Variants in DHRSX observed in about 807,000 individuals in gnomAD.
The protein encoded by DHRSX is polyprenol dehydrogenase.
DHRSX carries 31 observed loss-of-function variants against 34.0 expected under a neutral mutation model. The ratio of observed to expected loss-of-function variants is 0.91; its 90% CI spans 0.69 to 1.23. The LOEUF (loss-of-function observed/expected upper bound fraction) is 1.23. Among genes scored for constraint, DHRSX ranks in the 50% most tolerant of loss-of-function variants. The probability of loss-of-function intolerance (pLI) is 0.00; values close to 1 mark genes in which losing one functional copy is unlikely to be tolerated. For synonymous variants in DHRSX, 201 were observed against 183.8 expected, an observed-to-expected ratio of 1.09 and a Z score of -0.76; for missense variants, 414 against 428.1, an observed-to-expected ratio of 0.97 and a Z score of 0.29.
chrX:2,413,246 G>C (rs1261458403), intron 2 of DHRSX, among the ~76,000 whole-genome samples: 2 of 152,140 alleles, frequency 1.3e-5, no homozygotes, highest in Non-Finnish European at 2.9e-5. Flanking sequence ...CCAGGTGCTA[G>C]GGGGGTGGGT....
At chrX:2,322,555 C>CAAAAAAAAAAA (rs752649879) in intron 3 of DHRSX, among the ~76,000 whole-genome samples, 2 of 123,198 alleles carry the variant, frequency 1.6e-5, no homozygotes, top group Admixed American at 8.7e-5. Context: ...AACTCCATCT[C>CAAAAAAAAAAA]AAAAAAAAAA....
chrX:2,249,157 C>T (rs1386703591), intron 5 of DHRSX, among the ~76,000 whole-genome samples: 1 of 151,184 alleles, frequency 6.6e-6, no homozygotes, highest in Admixed American at 6.6e-5. Flanking sequence ...AGAGCAACTT[C>T]ACAACATGCA....
intron 3 of DHRSX, among the ~76,000 whole-genome samples, chrX:2,344,468 A>G (rs1193772543): frequency 1.3e-5 from 2 of 152,068 alleles, no homozygotes; most frequent in African/African-American, 4.8e-5. Context: ...AACCAGAAAT[A>G]CTATACGACC....
At chrX:2,415,754 A>G (rs929539567) in intron 2 of DHRSX, among the ~76,000 whole-genome samples, 1 of 151,662 alleles carries the variant, frequency 6.6e-6, no homozygotes, top group African/African-American at 2.4e-5. Context: ...TCATAACCTA[A>G]TTAGATCTCA....
At chrX:2,236,780 G>A (rs1355804706) in intron 6 of DHRSX, among the ~76,000 whole-genome samples, 1 of 151,986 alleles carries the variant, frequency 6.6e-6, no homozygotes, top group East Asian at 1.9e-4. Context: ...TGAATTGTAT[G>A]AGCAATTCCT....
At chrX:2,347,390 G>A (rs1162352282) in intron 3 of DHRSX, among the ~76,000 whole-genome samples, 1 of 152,178 alleles carries the variant, frequency 6.6e-6, no homozygotes, top group Non-Finnish European at 1.5e-5. Flanking sequence ...CACAACAGGT[G>A]GGAATACAAG....
intron 3 of DHRSX, among the ~76,000 whole-genome samples, chrX:2,357,393 T>C (rs146762372): frequency 1.5e-3 from 228 of 152,076 alleles, no homozygotes; most frequent in African/African-American, 5.1e-3. Flanking sequence ...AGATCTGCCA[T>C]TATAAGATGT....
chrX:2,342,211 G>C lies in DHRSX; in HGVS notation c.287-50608C>G, dbSNP rs140955330. Among the ~76,000 whole-genome samples, 226 of 152,176 alleles carry C rather than the reference G, an allele frequency of 1.5e-3. 1 individual carries two copies. The highest frequency in any genetic ancestry group is 5.2e-3 in the African/African-American group (218 of 41,536). ...TTATAAACAGAGATGCCTATCTGTCGGCCACATATCCAGAAAATAAATGCT... is the reference window on the plus strand; with the variant it reads ...TTATAAACAGAGATGCCTATCTGTCCGCCACATATCCAGAAAATAAATGCT... On this transcript the variant is annotated intron_variant, in intron 3 of 6. Coordinates refer to ENST00000334651, the MANE Select transcript of DHRSX (RefSeq NM_145177.3).
intron 1 of DHRSX, among the ~76,000 whole-genome samples, chrX:2,450,126 T>G (rs1228792892): frequency 1.1e-5 from 1 of 87,750 alleles, no homozygotes; most frequent in East Asian, 2.2e-4. Flanking sequence ...AATTAGTGCC[T>G]CAAAAAAAAA....
At chrX:2,405,563 T>C (rs1200593337) in intron 3 of DHRSX, among the ~76,000 whole-genome samples, 1 of 151,970 alleles carries the variant, frequency 6.6e-6, no homozygotes, top group Non-Finnish European at 1.5e-5. Flanking sequence ...CCCAGCACTT[T>C]GGGAGGCCGA....
intron 3 of DHRSX, among the ~76,000 whole-genome samples, chrX:2,295,512 C>A (rs887800229): frequency 1.3e-5 from 2 of 152,024 alleles, no homozygotes; most frequent in Non-Finnish European, 2.9e-5. Flanking sequence ...CACCATGGCA[C>A]GTGTATACCT....
chrX:2,259,426 A>G (rs1228009827), intron 5 of DHRSX, among the ~76,000 whole-genome samples: 1 of 148,852 alleles, frequency 6.7e-6, no homozygotes, highest in African/African-American at 2.4e-5. Flanking sequence ...ATATACAATA[A>G]ATTAAAATAA....
intron 3 of DHRSX, among the ~76,000 whole-genome samples, chrX:2,293,836 G>C (rs1353417569): frequency 6.6e-6 from 1 of 152,096 alleles, no homozygotes; most frequent in African/African-American, 2.4e-5. Context: ...GGAGGGGTCT[G>C]CCTGTGCCCC....
chrX:2,490,677 G>A, intron 1 of DHRSX: 1 of 1,613,982 alleles, frequency 6.2e-7, no homozygotes, highest in South Asian at 1.1e-5. Flanking sequence ...TGGGCCACCA[G>A]CTTCAGGTCT....
intron 3 of DHRSX, 107 bp downstream of exon 3, chrX:2,408,638 C>T: frequency 1.0e-6 from 1 of 996,240 alleles, no homozygotes; most frequent in Non-Finnish European, 1.5e-6. Context: ...GCCATCTCTC[C>T]CAAATGCCAC....
At chrX:2,236,227 C>T (rs1283311128) in intron 6 of DHRSX, among the ~76,000 whole-genome samples, 1 of 152,102 alleles carries the variant, frequency 6.6e-6, no homozygotes, top group Non-Finnish European at 1.5e-5. Context: ...CCCATAAAGA[C>T]AAACAAAGCT....
At chrX:2,223,848 G>A (rs1182533057) in intron 6 of DHRSX, among the ~76,000 whole-genome samples, 3 of 151,996 alleles carry the variant, frequency 2.0e-5, no homozygotes, top group Admixed American at 6.6e-5. Flanking sequence ...AGTCTTTCTG[G>A]GGCCCAGCCC....
chrX:2,500,126 A>G (rs1302511646), intron 1 of DHRSX, among the ~76,000 whole-genome samples: 1 of 152,236 alleles, frequency 6.6e-6, no homozygotes, highest in Non-Finnish European at 1.5e-5. Context: ...GAGTTCAGAC[A>G]GTGAACGAGT....
At chrX:2,301,260 A>G in intron 3 of DHRSX, among the ~76,000 whole-genome samples, 1 of 152,286 alleles carries the variant, frequency 6.6e-6, no homozygotes, top group South Asian at 2.1e-4. Context: ...TAAAAATATA[A>G]AACTTAGCTG....
Sources: allele counts gnomAD v4.1 joint callset (sites outside exome capture counted in the v4.1 genomes callset), GRCh38; gene constraint gnomAD v4.1.1; transcripts MANE v1.5; gene names NCBI Gene and HGNC (gene_info 2026-07-23, HGNC 2026-07-21).